The following MTMR8 variants were observed in gnomAD, a reference collection of about 807,000 sequenced individuals.
The protein encoded by MTMR8 is phosphatidylinositol-3,5-bisphosphate 3-phosphatase MTMR8.
In MTMR8, 65 loss-of-function variants were observed where a neutral mutation model predicts 39.3. The observed-to-expected ratio is 1.65, with a 90% CI of 1.35 to 2.03. MTMR8 has a LOEUF of 2.03. MTMR8 is among the 30% of genes most tolerant of loss of function. The pLI is 0.00. For missense variants in MTMR8, 777 were observed against 538.9 expected, an observed-to-expected ratio of 1.44 and a Z score of -4.37; for synonymous variants, 245 against 185.2, an observed-to-expected ratio of 1.32 and a Z score of -2.62.
intron 1 of MTMR8, among the ~76,000 whole-genome samples, chrX:64,383,346 A>T (rs1379900222): frequency 9.1e-6 from 1 of 109,884 alleles, no homozygotes. Context: ...TAACAAAATT[A>T]TTGGAGACAG....
At position 64,268,330 on chromosome X, in the gene MTMR8, T is replaced by A. The variant is rs1452672029; in HGVS notation, c.*207A>T. 5.0e-6 allele frequency: 2 copies of A among 399,694 alleles called. No individual in the cohort carries two copies. The highest frequency in any genetic ancestry group is 8.0e-5 in the East Asian group (2 of 24,933). 32.9% of individuals were successfully genotyped at this position (399,694 alleles called of 1,213,427 possible). On this transcript the variant is annotated 3_prime_UTR_variant, in exon 14 of 14. Coordinates refer to ENST00000374852, the MANE Select transcript of MTMR8 (RefSeq NM_017677.4). ...ATCCCATTTTAGAACAATAACATAT[T>A]CTTTCTCTTGCCTACACTCTGTACT...
At chrX:64,269,628 T>TG (rs1236896513) in intron 13 of MTMR8, among the ~76,000 whole-genome samples, 2 of 111,427 alleles carry the variant, frequency 1.8e-5, no homozygotes, top group Non-Finnish European at 3.8e-5. Flanking sequence ...AGTGATTCTT[T>TG]GGGGTCATAC....
At chrX:64,300,517 T>C (rs1250267170) in intron 12 of MTMR8, among the ~76,000 whole-genome samples, 1 of 109,536 alleles carries the variant, frequency 9.1e-6, no homozygotes, top group East Asian at 2.9e-4. Context: ...TGATGGGTCT[T>C]GACTCTTTAT....
intron 12 of MTMR8, among the ~76,000 whole-genome samples, chrX:64,311,927 T>A (rs1922316815): frequency 9.0e-6 from 1 of 111,067 alleles, no homozygotes; most frequent in Non-Finnish European, 1.9e-5. Context: ...TAGTTTGAAG[T>A]CAGGTAGCGT....
chrX:64,301,920 G>T (rs758713174), intron 12 of MTMR8, among the ~76,000 whole-genome samples: 2 of 111,832 alleles, frequency 1.8e-5, no homozygotes, highest in Non-Finnish European at 3.8e-5. Context: ...GTAGTCTGCC[G>T]GTTCTCAGAT....
chrX:64,389,542 C>T (rs1252165334), intron 1 of MTMR8, among the ~76,000 whole-genome samples: 1 of 111,559 alleles, frequency 9.0e-6, no homozygotes, highest in Non-Finnish European at 1.9e-5. Context: ...ATTCCAATGC[C>T]TATAAAACAG....
intron 11 of MTMR8, among the ~76,000 whole-genome samples, chrX:64,331,247 T>C (rs912264526): frequency 1.8e-5 from 2 of 111,994 alleles, no homozygotes; most frequent in African/African-American, 6.5e-5. Context: ...GAAAGGACTG[T>C]AGATAATGAC....
At chrX:64,314,869 G>A (rs1436255180) in intron 12 of MTMR8, among the ~76,000 whole-genome samples, 1 of 111,441 alleles carries the variant, frequency 9.0e-6, no homozygotes, top group African/African-American at 3.3e-5. Context: ...CAGAAGCTAT[G>A]ATGCAGACCC....
intron 12 of MTMR8, among the ~76,000 whole-genome samples, chrX:64,326,069 T>C (rs1430467508): frequency 2.7e-5 from 3 of 112,054 alleles, no homozygotes; most frequent in East Asian, 2.8e-4. Flanking sequence ...TGTATTCTTA[T>C]AAGTTAAGCT....
At chrX:64,353,975 C>T (rs1293470964) in intron 4 of MTMR8, among the ~76,000 whole-genome samples, 1 of 110,848 alleles carries the variant, frequency 9.0e-6, no homozygotes, top group African/African-American at 3.3e-5. Flanking sequence ...TAGAATATAA[C>T]TCAGTCACAA....
Position 64,395,290 on chromosome X carries a change from C to T in MTMR8, c.24+50G>A, listed in dbSNP as rs772732780. 1.0e-5 allele frequency: 12 copies of T among 1,185,232 alleles called. No individual in the cohort carries two copies. In the Admixed American group the frequency reaches 2.6e-4, roughly 26 times the overall value. On this transcript the variant is annotated intron_variant, in intron 1 of 13. Transcript: ENST00000374852. ...AGGTGTGTCTGGGCTCCCAGGTGAG[C>T]ACCAAGAGGAAGCTCGCGGCTGTCA...
chrX:64,299,104 A>C (rs1183603209), intron 12 of MTMR8, among the ~76,000 whole-genome samples: 7 of 73,085 alleles, frequency 9.6e-5, no homozygotes, highest in Non-Finnish European at 1.7e-4. Flanking sequence ...AAAATGAGTT[A>C]GGGAGGATTC....
chrX:64,331,339 A>C, intron 11 of MTMR8: 1 of 411,220 alleles, frequency 2.4e-6, no homozygotes, highest in South Asian at 3.7e-5. Flanking sequence ...ACTGCTCTAA[A>C]AAGTAGGCAT....
intron 12 of MTMR8, among the ~76,000 whole-genome samples, chrX:64,318,590 G>T (rs1039609783): frequency 1.8e-5 from 2 of 111,032 alleles, no homozygotes; most frequent in African/African-American, 6.6e-5. Flanking sequence ...TTCATGATGG[G>T]TTAATATTTG....
At chrX:64,289,636 C>CAAAAAA (rs749879321) in intron 12 of MTMR8, among the ~76,000 whole-genome samples, 28 of 26,398 alleles carry the variant, frequency 1.1e-3, no homozygotes, top group African/African-American at 2.3e-3. Flanking sequence ...GACTCCATCG[C>CAAAAAA]AAAAAAAAAA....
intron 12 of MTMR8, among the ~76,000 whole-genome samples, chrX:64,314,860 A>G (rs1922418779): frequency 9.0e-6 from 1 of 111,563 alleles, no homozygotes; most frequent in South Asian, 3.8e-4. Flanking sequence ...CCACCAGCTC[A>G]GAAGCTATGA....
chrX:64,338,124 T>G (rs1923123248), intron 8 of MTMR8, among the ~76,000 whole-genome samples: 1 of 112,030 alleles, frequency 8.9e-6, no homozygotes, highest in Admixed American at 9.5e-5. Context: ...AACAATATTC[T>G]TTTGCAGGAG....
At chrX:64,301,128 T>C (rs2016773477) in intron 12 of MTMR8, among the ~76,000 whole-genome samples, 1 of 108,652 alleles carries the variant, frequency 9.2e-6, no homozygotes, top group Non-Finnish European at 1.9e-5. Context: ...TGGCCTGCCT[T>C]GCTAGATTGG....
At chrX:64,279,083 A>G (rs1258752643) in intron 12 of MTMR8, among the ~76,000 whole-genome samples, 1 of 111,839 alleles carries the variant, frequency 8.9e-6, no homozygotes, top group African/African-American at 3.3e-5. Context: ...GCCCCTTAGC[A>G]GAGCTCAAGC....
Sources: gnomAD v4.1 joint callset for allele counts (sites outside exome capture counted in the v4.1 genomes callset) on GRCh38, gnomAD v4.1.1 for gene constraint, MANE v1.5 for transcripts, NCBI Gene and HGNC (gene_info 2026-07-23, HGNC 2026-07-21) for gene names.